MOSMO: variants seen among roughly 807,000 people sequenced by gnomAD.
MOSMO encodes modulator of smoothened protein.
A neutral mutation model predicts 18.4 loss-of-function variants in MOSMO; 5 were observed. The ratio of observed to expected loss-of-function variants is 0.27; its 90% CI spans 0.14 to 0.57. The LOEUF (loss-of-function observed/expected upper bound fraction) is 0.57. MOSMO is among the 20% of genes least tolerant of loss of function. The pLI, the probability that MOSMO is intolerant of heterozygous loss-of-function variation, is 0.92. For missense variants in MOSMO, 138 were observed against 211.8 expected (o/e 0.65, Z 2.16); for synonymous variants, 82 against 82.3 (o/e 1.00, Z 0.02).
chr16:22,014,202 T>G (rs984451507), intron 1 of MOSMO, among the ~76,000 whole-genome samples: 1 of 152,012 alleles, frequency 6.6e-6, no homozygotes, highest in Non-Finnish European at 1.5e-5. Flanking sequence ...AAACTACCAG[T>G]CAGATGAAGT....
intron 1 of MOSMO, among the ~76,000 whole-genome samples, chr16:22,035,235 C>T (rs912492157): frequency 3.3e-5 from 5 of 152,024 alleles, no homozygotes; most frequent in African/African-American, 4.8e-5. Context: ...TGCCTTGCCC[C>T]ACTTAGGTGA....
At chr16:22,029,527 A>C (rs965509311) in intron 1 of MOSMO, among the ~76,000 whole-genome samples, 5 of 152,198 alleles carry the variant, frequency 3.3e-5, no homozygotes, top group African/African-American at 1.2e-4. Context: ...TTGACCTGTA[A>C]CTTTACACAC....
At chr16:22,053,665 T>C (rs983664117) in intron 1 of MOSMO, among the ~76,000 whole-genome samples, 1 of 152,076 alleles carries the variant, frequency 6.6e-6, no homozygotes, top group African/African-American at 2.4e-5. Context: ...TAGCTGGGTA[T>C]TGTGGCGGGC....
chr16:22,065,861 A>G (rs1041258713), intron 1 of MOSMO, among the ~76,000 whole-genome samples: 9 of 152,200 alleles, frequency 5.9e-5, no homozygotes, highest in African/African-American at 2.2e-4. Context: ...ATGGCAAAGT[A>G]AGGACCTCCA....
chr16:22,075,576 G>A lies in MOSMO; in HGVS notation c.196G>A (p.Val66Ile). 1 of 1,537,328 alleles carries A rather than the reference G, an allele frequency of 6.5e-7. No individual in the cohort carries two copies. Residue 66 changes from valine to isoleucine, a missense_variant, in exon 2 of 3, where the codon GTC (valine) becomes ATC (isoleucine). Physicochemically the swap from Val to Ile is conservative, Grantham distance 29. Transcript: ENST00000542527. ...CIPPRLPPEW[V>I]TTLFFIIMGI... ...CCCTCCCCGGCTTCCCCCGGAGTGG[G>A]TCACCACACTGTTTTTTATCATCAT...
chr16:22,076,050 A>G (rs905473298), intron 2 of MOSMO: 5 of 189,660 alleles, frequency 2.6e-5, no homozygotes, highest in Non-Finnish European at 5.6e-5. Context: ...AAAGATAAGT[A>G]TAGAACAAAT....
downstream of MOSMO, among the ~76,000 whole-genome samples, chr16:22,090,469 G>T (rs1598033578): frequency 6.6e-6 from 1 of 152,148 alleles, no homozygotes; most frequent in Non-Finnish European, 1.5e-5. Flanking sequence ...CCCTGCTTTG[G>T]CATGTCACTT....
rs140614894 is a variant in MOSMO at position 22,067,587 on chromosome 16, T to C, written c.107-7900T>C. On this transcript the variant is annotated intron_variant, in intron 1 of 2. Transcript: ENST00000542527. ...GTATCACTCTCGGCTGGATGTGTTATGGTGGCTCACGCCTGTAATCCCAGC... is the reference window on the plus strand; with the variant it reads ...GTATCACTCTCGGCTGGATGTGTTACGGTGGCTCACGCCTGTAATCCCAGC... Among the ~76,000 whole-genome samples, 557 of 152,272 alleles carry C rather than the reference T, an allele frequency of 3.7e-3. 3 individuals carry two copies. Among genetic ancestry groups the C allele is most frequent in the Middle Eastern group, 6.8e-3 (2 of 294 alleles).
chr16:22,041,313 T>TAG (rs1238331861), intron 1 of MOSMO, among the ~76,000 whole-genome samples: 1 of 152,086 alleles, frequency 6.6e-6, no homozygotes, highest in Non-Finnish European at 1.5e-5. Context: ...AAGCATAGTT[T>TAG]AGAGAGAGAG....
At chr16:22,064,410 C>T (rs1461976069) in intron 1 of MOSMO, 1 of 456,348 alleles carries the variant, frequency 2.2e-6, no homozygotes, top group African/African-American at 2.0e-5. Context: ...AAATGGGTTA[C>T]TTCTGCCAGA....
intron 1 of MOSMO, among the ~76,000 whole-genome samples, chr16:22,039,217 C>A (rs1900165935): frequency 6.6e-6 from 1 of 152,144 alleles, no homozygotes; most frequent in Admixed American, 6.5e-5. Context: ...CTCCTTAACG[C>A]ATAGTTTGGG....
intron 1 of MOSMO, among the ~76,000 whole-genome samples, chr16:22,052,209 C>T (rs927928837): frequency 3.3e-5 from 5 of 152,012 alleles, no homozygotes; most frequent in Non-Finnish European, 7.4e-5. Context: ...GGAGAGTTGC[C>T]TCAATAGACA....
intron 1 of MOSMO, among the ~76,000 whole-genome samples, chr16:22,063,935 G>C (rs1325960968): frequency 6.6e-6 from 1 of 152,188 alleles, no homozygotes; most frequent in East Asian, 1.9e-4. Flanking sequence ...TTAGCATCAT[G>C]TGCTAGGAAG....
intron 1 of MOSMO, among the ~76,000 whole-genome samples, chr16:22,035,688 G>A (rs1276163485): frequency 6.6e-6 from 1 of 152,080 alleles, no homozygotes; most frequent in African/African-American, 2.4e-5. Context: ...TGTGTCTTCA[G>A]TTCTCTGATG....
chr16:22,030,613 T>C (rs938646291), intron 1 of MOSMO, among the ~76,000 whole-genome samples: 8 of 152,242 alleles, frequency 5.3e-5, no homozygotes, highest in Non-Finnish European at 1.0e-4. Context: ...CTCGGCTCAC[T>C]GCGACCTCTG....
chr16:22,048,539 C>T (rs938247880), intron 1 of MOSMO, among the ~76,000 whole-genome samples: 1 of 151,968 alleles, frequency 6.6e-6, no homozygotes, highest in African/African-American at 2.4e-5. Context: ...ATTTGCATTT[C>T]TTTATTAAGT....
chr16:22,034,921 A>G (rs2141998206), intron 1 of MOSMO, among the ~76,000 whole-genome samples: 1 of 150,434 alleles, frequency 6.6e-6, no homozygotes, highest in African/African-American at 2.4e-5. Flanking sequence ...TTTTGTAGAG[A>G]CGGGGTTTTG....
At chr16:22,019,400 A>G (rs1218005493) in intron 1 of MOSMO, among the ~76,000 whole-genome samples, 1 of 152,184 alleles carries the variant, frequency 6.6e-6, no homozygotes, top group Non-Finnish European at 1.5e-5. Flanking sequence ...ATCAGTTGCT[A>G]TCTTCATAAA....
downstream of MOSMO, among the ~76,000 whole-genome samples, chr16:22,091,246 C>G (rs1006581015): frequency 3.3e-5 from 5 of 152,138 alleles, no homozygotes; most frequent in African/African-American, 1.2e-4. Flanking sequence ...ACATGGTGCT[C>G]TCAACCCCAG....
Sources: allele counts gnomAD v4.1 joint callset (sites outside exome capture counted in the v4.1 genomes callset), GRCh38; gene constraint gnomAD v4.1.1; transcripts MANE v1.5; gene names NCBI Gene and HGNC (gene_info 2026-07-23, HGNC 2026-07-21).